Variants in ESR2 observed in about 807,000 individuals in gnomAD.
The protein encoded by ESR2 is estrogen receptor 2.
In ESR2, 36 loss-of-function variants were observed where a neutral mutation model predicts 49.6. That is an observed-to-expected ratio of 0.73 (90% CI 0.56 to 0.96). The LOEUF (loss-of-function observed/expected upper bound fraction) is 0.96, where lower values mean the gene tolerates loss of function less well. Among genes scored for constraint, ESR2 ranks in the 40% least tolerant of loss-of-function variants. The probability of loss-of-function intolerance (pLI) is 0.00; values close to 1 mark genes in which losing one functional copy is unlikely to be tolerated. For synonymous variants in ESR2, 320 were observed against 266.1 expected, an observed-to-expected ratio of 1.20 and a Z score of -1.97; for missense variants, 714 against 693.0, an observed-to-expected ratio of 1.03 and a Z score of -0.34.
chr14:64,280,918 G>T (rs1001900358), intron 2 of ESR2, among the ~76,000 whole-genome samples: 6 of 152,176 alleles, frequency 3.9e-5, no homozygotes, highest in African/African-American at 7.2e-5. Context: ...GATGAAGCAG[G>T]AGATTGCTTG....
chr14:64,279,510 T>A (rs749924260), intron 3 of ESR2, among the ~76,000 whole-genome samples: 1 of 152,186 alleles, frequency 6.6e-6, no homozygotes, highest in Non-Finnish European at 1.5e-5. Context: ...TGTGTCTAGA[T>A]CAATTCTCAA....
At chr14:64,233,468 C>G in intron 8 of ESR2, 145 bp from the exon 9 acceptor site, 1 of 707,320 alleles carries the variant, frequency 1.4e-6, no homozygotes, top group Non-Finnish European at 2.3e-6. Context: ...ATGGCTCGTG[C>G]ATCCAGCTCC....
Position 64,233,235 on chromosome 14 carries a change from C to T in ESR2, c.1495G>A (p.Val499Met), listed in dbSNP as rs141940742. Residue 499 changes from valine to methionine, a missense_variant, in exon 9 of 9, where the codon GTG becomes ATG. Val to Met is a conservative substitution (Grantham distance 21). Transcript: ENST00000341099. Reference protein sequence around the residue: ...DLLLEMLNAHVLRGCKSSITG... With the variant: ...DLLLEMLNAHMLRGCKSSITG... ...ATGGAGGACTTGCACCCGCGAAGCA[C>T]GTGGGCATTCAGCATCTCCAGCAGC... 34 of 1,614,206 alleles carry T rather than the reference C, an allele frequency of 2.1e-5. No homozygotes were observed. In the African/African-American group the frequency reaches 2.5e-4, roughly 12 times the overall value.
downstream of ESR2, chr14:64,228,045 C>T: frequency 1.4e-6 from 2 of 1,426,768 alleles, no homozygotes; most frequent in Non-Finnish European, 1.8e-6. Context: ...ATACACAGGA[C>T]CTGTGGTCAT....
At chr14:64,275,884 C>T (rs2076549007) in intron 3 of ESR2, among the ~76,000 whole-genome samples, 1 of 152,056 alleles carries the variant, frequency 6.6e-6, no homozygotes, top group Non-Finnish European at 1.5e-5. Context: ...TATTATATCT[C>T]AAACTCAACT....
In ESR2 at chr14:64,230,802, G is replaced by T. The variant is rs2098726442; in HGVS notation, c.*2335C>A. The T allele has an allele frequency of 6.7e-6, 1 of 148,606 alleles. No individual in the cohort carries two copies. The highest frequency in any genetic ancestry group is 2.5e-5 in the African/African-American group (1 of 40,048). The allele number at this position is 148,606 out of a possible 1,614,324, so 9.2% of individuals were successfully genotyped here. A position where few individuals can be genotyped will look rare whatever the true frequency, so the allele number is the denominator to read the frequency against. ...TCGAGGCTCTAAAGGGATTGCCATTGCCAGTTCACTCCCAGGAGTAGAAGT... is the reference window on the plus strand; with the variant it reads ...TCGAGGCTCTAAAGGGATTGCCATTTCCAGTTCACTCCCAGGAGTAGAAGT... On this transcript the variant is annotated 3_prime_UTR_variant, in exon 9 of 9. Coordinates refer to ENST00000341099, the MANE Select transcript of ESR2 (RefSeq NM_001437.3).
chr14:64,333,469 G>A (rs760715761), intron 1 of ESR2, among the ~76,000 whole-genome samples: 1 of 151,984 alleles, frequency 6.6e-6, no homozygotes, highest in Non-Finnish European at 1.5e-5. Flanking sequence ...TTCAACTTTT[G>A]CAATGAAATT....
At position 64,238,472 on chromosome 14, in the gene ESR2, A is replaced by G. The variant is rs553733207; in HGVS notation, c.1226-3322T>C. Reference sequence around the variant, plus strand: ...TCCCAGAAAAGAACTGTGCTGAAGAATACCCATGCTGCTGCCTGGCTCTCC... The same window carrying G: ...TCCCAGAAAAGAACTGTGCTGAAGAGTACCCATGCTGCTGCCTGGCTCTCC... On this transcript the variant is annotated intron_variant, in intron 7 of 8. Coordinates refer to ENST00000341099, the MANE Select transcript of ESR2 (RefSeq NM_001437.3). Among the ~76,000 whole-genome samples, 4 of 152,300 alleles carry G rather than the reference A, an allele frequency of 2.6e-5. No homozygotes were observed. In the East Asian group the frequency reaches 7.7e-4, roughly 29 times the overall value.
chr14:64,294,387 C>CCCTT (rs144533879), upstream of ESR2: 1,258 of 152,556 alleles, frequency 8.2e-3, 22 homozygotes, highest in African/African-American at 0.029. Flanking sequence ...AACGATAAGC[C>CCCTT]CCTTCTTCCT....
intron 1 of ESR2, among the ~76,000 whole-genome samples, chr14:64,333,265 A>AT (rs1035300432): frequency 4.5e-4 from 68 of 152,068 alleles, no homozygotes; most frequent in African/African-American, 1.6e-3. Context: ...ATAAACTAGA[A>AT]TTTTCTACCT....
rs751889019 is a variant in ESR2, at chr14:64,260,693, G to A, written c.708C>T (p.Asp236=). 4 of 1,564,730 alleles carry A rather than the reference G, an allele frequency of 2.6e-6. No individual in the cohort carries two copies. Among genetic ancestry groups the A allele is most frequent in the Non-Finnish European group, 3.5e-6 (4 of 1,152,154 alleles). ...CCTTGCCGGCACAGTGCAGCTGCTC[G>A]TCGGCACTTCTCTGTCTCCGCACAA... ...YRLVRRQRSA[D]EQLHCAGKAK... Residue 236 remains aspartate (D), a synonymous_variant, in exon 5 of 9, where the codon GAC becomes GAT. Coordinates refer to ENST00000341099, the MANE Select transcript of ESR2 (RefSeq NM_001437.3).
At chr14:64,298,959 AG>A (rs1184414540), upstream of ESR2, among the ~76,000 whole-genome samples, 1 of 151,690 alleles carries the variant, frequency 6.6e-6, no homozygotes, top group Non-Finnish European at 1.5e-5. Context: ...TAGCCCCTAG[AG>A]GTCATTGGCA....
chr14:64,236,302 C>T (rs772058884), intron 7 of ESR2, among the ~76,000 whole-genome samples: 3 of 152,172 alleles, frequency 2.0e-5, no homozygotes, highest in African/African-American at 4.8e-5. Flanking sequence ...CCTGAAGCTG[C>T]TTCTCCAATC....
At chr14:64,245,366 G>C (rs1266521380) in intron 7 of ESR2, among the ~76,000 whole-genome samples, 1 of 151,882 alleles carries the variant, frequency 6.6e-6, no homozygotes, top group Non-Finnish European at 1.5e-5. Context: ...ACAAAAATTA[G>C]CCAGGCGTGG....
chr14:64,318,960 G>C (rs1326855714), intron 1 of ESR2, among the ~76,000 whole-genome samples: 1 of 152,016 alleles, frequency 6.6e-6, no homozygotes, highest in African/African-American at 2.4e-5. Context: ...AGGATCACTT[G>C]AGCCCAGGAG....
chr14:64,282,702 A>T lies in ESR2; in HGVS notation c.284T>A (p.Leu95Ter). The change falls in exon 2 of 9, where the codon TTA becomes TAA. Residue 95 changes from leucine (L) to a stop codon, truncating the protein, a stop_gained. Coordinates refer to ENST00000341099, the MANE Select transcript of ESR2 (RefSeq NM_001437.3). LOFTEE classifies it high-confidence loss of function. ...TTGAGGTTCCGCATACAGATGTGAT[A>T]ACTGGCGATGGACCACTAAAGGAGA... ...HLSPLVVHRQ[L>*]SHLYAEPQKS... 1 of 1,614,164 alleles carries T rather than the reference A, an allele frequency of 6.2e-7. No homozygotes were observed. Among genetic ancestry groups the T allele is most frequent in the East Asian group, 2.2e-5 (1 of 44,880 alleles).
chr14:64,264,112 A>G (rs1318445057), intron 4 of ESR2, among the ~76,000 whole-genome samples: 2 of 152,214 alleles, frequency 1.3e-5, no homozygotes, highest in African/African-American at 4.8e-5. Context: ...TTTTATATGA[A>G]TTTCCCTTAA....
intron 4 of ESR2, among the ~76,000 whole-genome samples, chr14:64,262,578 A>T (rs1056044314): frequency 6.6e-6 from 1 of 152,184 alleles, no homozygotes; most frequent in Non-Finnish European, 1.5e-5. Context: ...TACAAAACAT[A>T]AACGTCATTA....
intron 1 of ESR2, among the ~76,000 whole-genome samples, chr14:64,327,301 C>T (rs1052521626): frequency 6.6e-6 from 1 of 152,220 alleles, no homozygotes; most frequent in Non-Finnish European, 1.5e-5. Context: ...TGGCAAACGC[C>T]TGTAATCCCA....
Sources: allele counts gnomAD v4.1 joint callset (sites outside exome capture counted in the v4.1 genomes callset), GRCh38; gene constraint gnomAD v4.1.1; transcripts MANE v1.5; gene names NCBI Gene and HGNC (gene_info 2026-07-23, HGNC 2026-07-21).